SELENOI: variants seen among roughly 807,000 people sequenced by gnomAD.
SELENOI encodes the protein selenoprotein I, also known as ethanolaminephosphotransferase 1.
SELENOI carries 24 observed loss-of-function variants against 50.7 expected under a neutral mutation model. The ratio of observed to expected loss-of-function variants is 0.47; its 90% CI spans 0.34 to 0.67. The LOEUF (loss-of-function observed/expected upper bound fraction) is 0.67, where lower values mean the gene tolerates loss of function less well. Ranked by LOEUF, SELENOI falls within the 30% of genes least tolerant of loss-of-function variation. SELENOI has a pLI of 0.01. For missense variants in SELENOI, 352 were observed against 461.4 expected, an observed-to-expected ratio of 0.76 and a Z score of 2.17; for synonymous variants, 155 against 170.2, an observed-to-expected ratio of 0.91 and a Z score of 0.70.
At chr2:26,386,616 A>C (rs1677849937) in intron 9 of SELENOI, 80 bp downstream of exon 9, 1 of 1,241,352 alleles carries the variant, frequency 8.1e-7, no homozygotes, top group African/African-American at 1.6e-5. Flanking sequence ...GAAAGGAGGC[A>C]ATGGAAAATT....
At chr2:26,371,983 G>T (rs1401881296) in intron 4 of SELENOI, among the ~76,000 whole-genome samples, 1 of 152,026 alleles carries the variant, frequency 6.6e-6, no homozygotes, top group Non-Finnish European at 1.5e-5. Context: ...CATTCTTTAT[G>T]TCCTCTACTC....
intron 1 of SELENOI, among the ~76,000 whole-genome samples, chr2:26,361,938 G>A (rs778012594): frequency 1.3e-5 from 2 of 152,032 alleles, no homozygotes; most frequent in Admixed American, 6.6e-5. Flanking sequence ...AATTATAGGC[G>A]TGAGCCACGC....
intron 6 of SELENOI, among the ~76,000 whole-genome samples, chr2:26,378,464 A>G (rs1469613602): frequency 2.0e-5 from 3 of 152,230 alleles, no homozygotes; most frequent in Non-Finnish European, 4.4e-5. Flanking sequence ...TGGGCAGAGC[A>G]TATACTCAGA....
chr2:26,354,455 C>T (rs1477670065), intron 1 of SELENOI, among the ~76,000 whole-genome samples: 3 of 152,076 alleles, frequency 2.0e-5, no homozygotes, highest in Non-Finnish European at 2.9e-5. Context: ...GGTGCGATCT[C>T]GGCTCACTGC....
rs747756683 is a variant in SELENOI, at chr2:26,375,073, G to A, written c.607G>A (p.Val203Met). The A allele has an allele frequency of 6.2e-7, 1 of 1,613,516 alleles. No individual in the cohort carries two copies. Among genetic ancestry groups the A allele is most frequent in the Admixed American group, 1.7e-5 (1 of 60,014 alleles). ...TTTTGTCTACATAGTGACTGCAGTT[G>A]TGGGAGTTGAGGCCTGGTATGAACC... The part of the protein sequence containing the change: ...ISFVYIVTAV[V>M]GVEAWYEPFL... Residue 203 changes from valine (V) to methionine (M), a missense_variant, in exon 6 of 10, where the codon GTG (valine) becomes ATG (methionine). Transcript: ENST00000260585.
intron 6 of SELENOI, among the ~76,000 whole-genome samples, chr2:26,376,025 G>A (rs1189845498): frequency 6.7e-6 from 1 of 150,286 alleles, no homozygotes; most frequent in East Asian, 2.0e-4. Flanking sequence ...GATTACCGGA[G>A]CCCAGTGAGC....
At chr2:26,381,089 G>A (rs1468010015) in intron 6 of SELENOI, among the ~76,000 whole-genome samples, 1 of 147,512 alleles carries the variant, frequency 6.8e-6, no homozygotes, top group Admixed American at 6.8e-5. Context: ...TTTTTGTCTT[G>A]GTGGTTTTAA....
At chr2:26,370,747 C>T (rs1677406549) in intron 4 of SELENOI, among the ~76,000 whole-genome samples, 1 of 140,498 alleles carries the variant, frequency 7.1e-6, no homozygotes, top group African/African-American at 2.6e-5. Flanking sequence ...GGGGCTGACC[C>T]CCCCACCTCC....
chr2:26,346,335 C>A, intron 1 of SELENOI, 46 bp downstream of exon 1: 1 of 1,579,898 alleles, frequency 6.3e-7, no homozygotes, highest in Non-Finnish European at 8.6e-7. Flanking sequence ...CCGGCCTCGC[C>A]CAGGCGGCTG....
chr2:26,380,954 T>A (rs780578316), intron 6 of SELENOI, among the ~76,000 whole-genome samples: 2 of 152,144 alleles, frequency 1.3e-5, no homozygotes, highest in Non-Finnish European at 2.9e-5. Flanking sequence ...GATTTTTTTT[T>A]CTATAGGGTT....
chr2:26,352,847 A>AG (rs1456786428), intron 1 of SELENOI, among the ~76,000 whole-genome samples: 1 of 151,810 alleles, frequency 6.6e-6, no homozygotes, highest in African/African-American at 2.4e-5. Context: ...TCTCTTGAAA[A>AG]AAAAAAAAAA....
chr2:26,373,877 G>A (rs974475765), intron 5 of SELENOI, among the ~76,000 whole-genome samples: 6 of 152,194 alleles, frequency 3.9e-5, no homozygotes, highest in Admixed American at 1.3e-4. Flanking sequence ...GAGGCCTCCC[G>A]AGTAGCTGAG....
intron 1 of SELENOI, among the ~76,000 whole-genome samples, chr2:26,352,377 G>A (rs990906250): frequency 5.9e-5 from 9 of 152,248 alleles, no homozygotes; most frequent in African/African-American, 1.9e-4. Flanking sequence ...AAGGGGTGGG[G>A]ATAAAAAGGA....
Position 26,390,089 on chromosome 2 carries a change from CAG to C in SELENOI, c.*992_*993del, listed in dbSNP as rs955411837. ...GTTTCTTATTTCATACGAGATAAAA[CAG>C]AGAGAAGTTCTCTCTTCTCCAGCTT... On this transcript the variant is annotated 3_prime_UTR_variant, in exon 10 of 10. Transcript: ENST00000260585. 4 of 147,062 alleles carry C rather than the reference CAG, an allele frequency of 2.7e-5. No individual in the cohort carries two copies. Among genetic ancestry groups the C allele is most frequent in the Admixed American group, 7.0e-5 (1 of 14,332 alleles). 9.1% of individuals were successfully genotyped at this position (147,062 alleles called of 1,614,324 possible).
At chr2:26,370,939 C>A (rs1283295887) in intron 4 of SELENOI, among the ~76,000 whole-genome samples, 1 of 100,098 alleles carries the variant, frequency 1.0e-5, no homozygotes, top group Non-Finnish European at 2.4e-5. Context: ...CTGACCCCCC[C>A]ACCTCCCTCC....
At chr2:26,383,054 A>G (rs1464188979) in intron 6 of SELENOI, among the ~76,000 whole-genome samples, 1 of 152,200 alleles carries the variant, frequency 6.6e-6, no homozygotes, top group East Asian at 1.9e-4. Flanking sequence ...GAAGTCCCGT[A>G]ATCAGTTCAT....
chr2:26,363,847 A>G (rs374139946), intron 1 of SELENOI, among the ~76,000 whole-genome samples: 25 of 152,012 alleles, frequency 1.6e-4, no homozygotes, highest in African/African-American at 5.3e-4. Flanking sequence ...GCTCACTGCA[A>G]CCTTTGCCTC....
At position 26,391,741 on chromosome 2, in the gene SELENOI, A is replaced by C. The variant is rs1225012757; in HGVS notation, c.*2638A>C. Reference sequence around the variant, plus strand: ...AAAAAAGTCGTTTCAGGCTTATCAGATAATAATTCTCCTATATTTGAGGGG... The same window carrying C: ...AAAAAAGTCGTTTCAGGCTTATCAGCTAATAATTCTCCTATATTTGAGGGG... On this transcript the variant is annotated 3_prime_UTR_variant, in exon 10 of 10. Transcript: ENST00000260585. The C allele has an allele frequency of 6.6e-6, 1 of 152,202 alleles. No individual in the cohort carries two copies. The highest frequency in any genetic ancestry group is 1.5e-5 in the Non-Finnish European group (1 of 68,040). 9.4% of individuals were successfully genotyped at this position (152,202 alleles called of 1,614,324 possible).
At chr2:26,361,091 A>G (rs1677166884) in intron 1 of SELENOI, among the ~76,000 whole-genome samples, 1 of 152,118 alleles carries the variant, frequency 6.6e-6, no homozygotes, top group Non-Finnish European at 1.5e-5. Context: ...GTGGGCGCCT[A>G]TAGTCCTAGC....
Sources: allele counts gnomAD v4.1 joint callset (sites outside exome capture counted in the v4.1 genomes callset), GRCh38; gene constraint gnomAD v4.1.1; transcripts MANE v1.5; gene names NCBI Gene and HGNC (gene_info 2026-07-23, HGNC 2026-07-21).